The following ADAMTSL1 variants were observed in gnomAD, a reference collection of about 807,000 sequenced individuals.
The protein encoded by ADAMTSL1 is ADAMTS like 1.
In ADAMTSL1, 126 loss-of-function variants were observed where a neutral mutation model predicts 201.8. The observed-to-expected ratio is 0.62, with a 90% CI of 0.54 to 0.72. The LOEUF (loss-of-function observed/expected upper bound fraction) is 0.72, where lower values mean the gene tolerates loss of function less well. Ranked by LOEUF, ADAMTSL1 falls within the 30% of genes least tolerant of loss-of-function variation. The pLI is 0.00. For synonymous variants in ADAMTSL1, 1,121 were observed against 903.4 expected, an observed-to-expected ratio of 1.24 and a Z score of -4.32; for missense variants, 2,679 against 2,277.8, an observed-to-expected ratio of 1.18 and a Z score of -3.59.
At chr9:18,324,661 G>T (rs1435110862) in intron 2 of ADAMTSL1, among the ~76,000 whole-genome samples, 1 of 151,990 alleles carries the variant, frequency 6.6e-6, no homozygotes, top group Middle Eastern at 3.4e-3. Context: ...CTACTAGGGA[G>T]GCTGAGGCAG....
intron 2 of ADAMTSL1, among the ~76,000 whole-genome samples, chr9:18,340,034 C>G (rs922410290): frequency 2.0e-5 from 3 of 152,132 alleles, no homozygotes; most frequent in African/African-American, 7.2e-5. Context: ...TGTCTGGTGG[C>G]CACTTCACAT....
chr9:18,744,708 C>T (rs180888521), intron 15 of ADAMTSL1, among the ~76,000 whole-genome samples: 102 of 152,278 alleles, frequency 6.7e-4, no homozygotes, highest in African/African-American at 2.1e-3. Context: ...GTAACTTCCC[C>T]GAGATTATTC....
intron 23 of ADAMTSL1, among the ~76,000 whole-genome samples, chr9:18,860,947 C>A (rs1827173903): frequency 6.6e-6 from 1 of 152,212 alleles, no homozygotes. Context: ...CCTTGGAATG[C>A]CTTTGAGAAG....
At chr9:18,658,132 G>A (rs768516733) in intron 8 of ADAMTSL1, among the ~76,000 whole-genome samples, 8 of 152,036 alleles carry the variant, frequency 5.3e-5, no homozygotes, top group Non-Finnish European at 1.2e-4. Flanking sequence ...CCGCCACCAC[G>A]CCCGGCTAAT....
At chr9:17,995,130 G>A (rs1419460389) in intron 1 of ADAMTSL1, among the ~76,000 whole-genome samples, 2 of 152,100 alleles carry the variant, frequency 1.3e-5, no homozygotes, top group South Asian at 2.1e-4. Context: ...TTAAAGCCCA[G>A]CAATGTCTTT....
intron 13 of ADAMTSL1, among the ~76,000 whole-genome samples, chr9:18,693,037 C>G (rs1564155947): frequency 6.6e-6 from 1 of 152,236 alleles, no homozygotes; most frequent in East Asian, 1.9e-4. Flanking sequence ...AGTCTTTCTT[C>G]CTTTTTTCCC....
chr9:18,657,864 TC>T, intron 8 of ADAMTSL1, 114 bp downstream of exon 8: 1 of 821,974 alleles, frequency 1.2e-6, no homozygotes. Context: ...TTGGACCAGA[TC>T]CTTTCTTCTG....
intron 23 of ADAMTSL1, among the ~76,000 whole-genome samples, chr9:18,840,344 G>A (rs1825634533): frequency 6.6e-6 from 1 of 152,116 alleles, no homozygotes; most frequent in African/African-American, 2.4e-5. Context: ...TCAGATAGTT[G>A]TAGATCTATG....
At chr9:18,287,641 A>ATGTG (rs199744422) in intron 2 of ADAMTSL1, among the ~76,000 whole-genome samples, 4 of 124,898 alleles carry the variant, frequency 3.2e-5, no homozygotes, top group African/African-American at 1.1e-4. Context: ...GCATATATGT[A>ATGTG]TGTGTATACA....
intron 1 of ADAMTSL1, among the ~76,000 whole-genome samples, chr9:17,972,831 T>G (rs1352304013): frequency 1.4e-5 from 2 of 141,448 alleles, no homozygotes; most frequent in Admixed American, 7.4e-5. Flanking sequence ...ACCTGTTGTT[T>G]CCTGACTTTT....
chr9:17,938,298 A>T (rs1397562147), intron 1 of ADAMTSL1, among the ~76,000 whole-genome samples: 2 of 152,116 alleles, frequency 1.3e-5, no homozygotes, highest in South Asian at 4.1e-4. Context: ...CTCGTTTCAC[A>T]TGGGTTCTTG....
At position 18,834,929 on chromosome 9, in the gene ADAMTSL1, A is replaced by T. The variant is rs878931477; in HGVS notation, c.4249+4952A>T. Among the ~76,000 whole-genome samples, 4 of 152,190 alleles carry T rather than the reference A, an allele frequency of 2.6e-5. No individual in the cohort carries two copies. The South Asian group carries it at 6.2e-4, about 24-fold the overall frequency. On this transcript the variant is annotated intron_variant, in intron 23 of 28. Coordinates refer to ENST00000380548, the MANE Select transcript of ADAMTSL1 (RefSeq NM_001040272.6). ...TTATTACAAATCTGCTGTGAAATTC[A>T]TGTACATTAATCTTTGTATGCACAC...
intron 1 of ADAMTSL1, among the ~76,000 whole-genome samples, chr9:17,956,889 G>A (rs1563918500): frequency 6.6e-6 from 1 of 152,082 alleles, no homozygotes; most frequent in African/African-American, 2.4e-5. Context: ...CCCCTGGTTT[G>A]AATATGAAAG....
At chr9:18,667,962 C>A (rs1829561552) in intron 9 of ADAMTSL1, among the ~76,000 whole-genome samples, 2 of 152,062 alleles carry the variant, frequency 1.3e-5, no homozygotes, top group South Asian at 4.2e-4. Context: ...TCACAAGTGT[C>A]TGATAACCTC....
intron 14 of ADAMTSL1, among the ~76,000 whole-genome samples, chr9:18,716,420 G>A (rs2133388947): frequency 6.6e-6 from 1 of 152,244 alleles, no homozygotes; most frequent in South Asian, 2.1e-4. Context: ...ATCAGAAAGT[G>A]GGCAAAGGAC....
chr9:18,416,715 A>C (rs887277854), intron 2 of ADAMTSL1, among the ~76,000 whole-genome samples: 1 of 152,048 alleles, frequency 6.6e-6, no homozygotes, highest in African/African-American at 2.4e-5. Flanking sequence ...GAGTCAATAC[A>C]TTAGGAGAAC....
In ADAMTSL1 at chr9:18,874,688, T is replaced by C. The variant is rs138452523; in HGVS notation, c.4250-13143T>C. ...TTGGATTTGGTTAGCTAGTATTTTG[T>C]TGAGGATTTTTACATTGATGTTCAC... On this transcript the variant is annotated intron_variant, in intron 23 of 28. Transcript: ENST00000380548. Among the ~76,000 whole-genome samples, 40 of 152,330 alleles carry C rather than the reference T, an allele frequency of 2.6e-4. No homozygotes were observed. In the East Asian group the frequency reaches 7.5e-3, roughly 29 times the overall value.
chr9:18,193,371 T>C (rs758269136), intron 2 of ADAMTSL1, among the ~76,000 whole-genome samples: 7 of 152,046 alleles, frequency 4.6e-5, no homozygotes, highest in Non-Finnish European at 8.8e-5. Flanking sequence ...ACATGGAATA[T>C]GCAGGGGAAG....
At chr9:18,682,258 T>G (rs1424126853) in intron 12 of ADAMTSL1, among the ~76,000 whole-genome samples, 1 of 152,174 alleles carries the variant, frequency 6.6e-6, no homozygotes, top group Admixed American at 6.5e-5. Context: ...AGACCAGATA[T>G]TCTAGAAATA....
Sources: gnomAD v4.1 joint callset for allele counts (sites outside exome capture counted in the v4.1 genomes callset) on GRCh38, gnomAD v4.1.1 for gene constraint, MANE v1.5 for transcripts, NCBI Gene and HGNC (gene_info 2026-07-23, HGNC 2026-07-21) for gene names.